MAP4: variants seen among roughly 807,000 people sequenced by gnomAD.
MAP4 encodes microtubule-associated protein 4.
Under a neutral mutation model 170.2 loss-of-function variants are expected in MAP4, and 76 were observed. That is an observed-to-expected ratio of 0.45 (90% CI 0.37 to 0.54). The LOEUF (loss-of-function observed/expected upper bound fraction) is 0.54. MAP4 is among the 20% of genes least tolerant of loss of function. The probability of loss-of-function intolerance (pLI) is 0.00; values close to 1 mark genes in which losing one functional copy is unlikely to be tolerated. For synonymous variants in MAP4, 909 were observed against 994.5 expected, an observed-to-expected ratio of 0.91 and a Z score of 1.62; for missense variants, 2,506 against 2,748.0, an observed-to-expected ratio of 0.91 and a Z score of 1.97.
At chr3:47,865,083 T>C (rs1175222288) in intron 17 of MAP4, among the ~76,000 whole-genome samples, 2 of 152,138 alleles carry the variant, frequency 1.3e-5, no homozygotes, top group South Asian at 2.1e-4. Flanking sequence ...GGAAGCCTCC[T>C]AAAGTGAAAA....
rs757732345 is a variant in MAP4, at chr3:47,910,887, A to G, written c.3534T>C (p.Asp1178=). The part of the protein sequence containing the change: ...QTSGVSTETG[D]VVKDMGVNNQ... ...TATTGACACCCATATCTTTGACTAC[A>G]TCTCCTGTTTCTGTGCTAACACCAG... is the stretch of plus-strand genomic sequence containing the variant. The change falls in exon 9 of 21, where the codon GAT becomes GAC. Residue 1178 remains aspartate (D), a synonymous_variant. Coordinates refer to ENST00000683076, the MANE Select transcript of MAP4 (RefSeq NM_001385682.1). 227 of 1,535,894 alleles carry G rather than the reference A, an allele frequency of 1.5e-4. 1 individual carries two copies. The highest frequency in any genetic ancestry group is 2.2e-4 in the East Asian group (9 of 40,918).
chr3:47,933,686 C>T (rs755793349), intron 3 of MAP4, among the ~76,000 whole-genome samples: 1 of 151,540 alleles, frequency 6.6e-6, no homozygotes, highest in Non-Finnish European at 1.5e-5. Context: ...CTGCAAGATC[C>T]GCCTCCCAGA....
intron 1 of MAP4, among the ~76,000 whole-genome samples, chr3:48,030,008 TATA>T (rs2100115166): frequency 2.0e-5 from 3 of 147,140 alleles, no homozygotes; most frequent in Admixed American, 6.9e-5. Flanking sequence ...AATATATATA[TATA>T]ATATATGTAT....
Position 47,867,331 on chromosome 3 carries a change from A to C in MAP4, c.6416T>G (p.Ile2139Arg). The C allele has an allele frequency of 6.2e-7, 1 of 1,610,304 alleles. No individual in the cohort carries two copies. The highest frequency in any genetic ancestry group is 8.5e-7 in the Non-Finnish European group (1 of 1,176,674). ...AQKQPAGKVQ[I>R]VSKKVSYSHI... ...GCTGTAGCTCACTTTTTTGGAGACT[A>C]TCTGGACCTGGAGTGTTAGAAAATA... Residue 2139 changes from isoleucine to arginine, a missense_variant, in exon 17 of 21, where the codon ATA (isoleucine) becomes AGA (arginine). Coordinates refer to ENST00000683076, the MANE Select transcript of MAP4 (RefSeq NM_001385682.1).
chr3:47,883,337 C>T (rs979787115), intron 10 of MAP4, among the ~76,000 whole-genome samples: 1 of 152,124 alleles, frequency 6.6e-6, no homozygotes, highest in African/African-American at 2.4e-5. Flanking sequence ...GATTCTCCTG[C>T]CTCAGCCTTC....
At chr3:47,869,407 G>A in intron 15 of MAP4, 80 bp from the exon 16 acceptor site, 2 of 958,534 alleles carry the variant, frequency 2.1e-6, no homozygotes, top group African/African-American at 1.6e-5. Context: ...AAGGCTGTAG[G>A]GGACTCAAAT....
intron 2 of MAP4, among the ~76,000 whole-genome samples, chr3:47,988,429 T>C (rs1010494010): frequency 2.6e-5 from 4 of 151,996 alleles, no homozygotes; most frequent in South Asian, 2.1e-4. Context: ...AATAAGGGCA[T>C]AGATGAACAT....
intron 16 of MAP4, 97 bp from the exon 17 acceptor site, chr3:47,867,435 C>T: frequency 2.5e-6 from 2 of 787,564 alleles, no homozygotes; most frequent in Non-Finnish European, 4.4e-6. Context: ...TCACAATGAC[C>T]AACAAAAAGT....
intron 10 of MAP4, among the ~76,000 whole-genome samples, chr3:47,885,355 T>C (rs2097396951): frequency 6.8e-6 from 1 of 147,554 alleles, no homozygotes; most frequent in South Asian, 2.3e-4. Context: ...CATAGCAAGA[T>C]CCCATCTCTA....
At chr3:47,990,927 G>A (rs1439004228) in intron 2 of MAP4, among the ~76,000 whole-genome samples, 2 of 152,094 alleles carry the variant, frequency 1.3e-5, no homozygotes, top group Non-Finnish European at 2.9e-5. Context: ...CAAGGTGATA[G>A]GCATTTTAGA....
chr3:47,871,450 C>G (rs1001295824), intron 13 of MAP4, among the ~76,000 whole-genome samples, 164 bp from the exon 14 acceptor site: 2 of 152,172 alleles, frequency 1.3e-5, no homozygotes, highest in African/African-American at 4.8e-5. Flanking sequence ...TGGTCAGGCA[C>G]TGAGTCTTAT....
At chr3:48,051,501 A>C (rs999311680) in intron 1 of MAP4, among the ~76,000 whole-genome samples, 6 of 152,194 alleles carry the variant, frequency 3.9e-5, no homozygotes, top group Non-Finnish European at 5.9e-5. Context: ...AGACTCTTAA[A>C]TTTCTTTGAA....
At chr3:48,074,726 G>GTGTGTGTGAT (rs1003251844) in intron 1 of MAP4, among the ~76,000 whole-genome samples, 6 of 147,662 alleles carry the variant, frequency 4.1e-5, no homozygotes, top group African/African-American at 1.5e-4. Flanking sequence ...GTGTGTGTGT[G>GTGTGTGTGAT]ATATGTCGGC....
At chr3:47,886,091 C>T (rs1176348303) in intron 10 of MAP4, among the ~76,000 whole-genome samples, 1 of 152,116 alleles carries the variant, frequency 6.6e-6, no homozygotes, top group Non-Finnish European at 1.5e-5. Context: ...GCCACTGGCC[C>T]CAGACCACTA....
At chr3:47,905,651 T>G (rs745330389) in intron 9 of MAP4, among the ~76,000 whole-genome samples, 2 of 151,280 alleles carry the variant, frequency 1.3e-5, no homozygotes, top group African/African-American at 2.4e-5. Context: ...TTTCAGAGCA[T>G]GGATTGGCTT....
intron 2 of MAP4, among the ~76,000 whole-genome samples, chr3:47,986,472 C>T (rs943144416): frequency 6.6e-6 from 1 of 152,034 alleles, no homozygotes; most frequent in Non-Finnish European, 1.5e-5. Flanking sequence ...TCCTGAGCAG[C>T]CGGGATTACA....
intron 12 of MAP4, among the ~76,000 whole-genome samples, chr3:47,874,513 A>G (rs1440875508): frequency 6.6e-6 from 1 of 152,114 alleles, no homozygotes; most frequent in Non-Finnish European, 1.5e-5. Context: ...TACAGCAACT[A>G]GTACACTACA....
At chr3:47,948,030 T>C (rs1395181663) in intron 3 of MAP4, among the ~76,000 whole-genome samples, 1 of 150,674 alleles carries the variant, frequency 6.6e-6, no homozygotes, top group Non-Finnish European at 1.5e-5. Context: ...GGAGTTTCAC[T>C]CTTGTTGCCC....
chr3:48,022,882 C>T (rs558035891), intron 1 of MAP4, among the ~76,000 whole-genome samples: 1 of 140,904 alleles, frequency 7.1e-6, no homozygotes, highest in African/African-American at 2.7e-5. Flanking sequence ...CAGAGTGACA[C>T]TCCATCTCAG....
Sources: allele counts gnomAD v4.1 joint callset (sites outside exome capture counted in the v4.1 genomes callset), GRCh38; gene constraint gnomAD v4.1.1; transcripts MANE v1.5; gene names NCBI Gene and HGNC (gene_info 2026-07-23, HGNC 2026-07-21).